ZNF469: variants seen among roughly 807,000 people sequenced by gnomAD.
ZNF469 encodes the protein zinc finger protein 469.
ZNF469 carries 1 observed loss-of-function variant against 1.0 expected under a neutral mutation model. The ratio of observed to expected loss-of-function variants is 1.00; its 90% confidence interval spans 0.35 to 4.73. The LOEUF is 4.73. Among genes scored for constraint, ZNF469 ranks in the 30% most tolerant of loss-of-function variants. ZNF469 has a pLI of 0.16. For missense variants in ZNF469, 6,100 were observed against 5,356.3 expected, an observed-to-expected ratio of 1.14 and a Z score of -4.33; for synonymous variants, 2,703 against 2,363.4, an observed-to-expected ratio of 1.14 and a Z score of -4.17.
chr16:88,284,062 AC>A, the ZNF469 span, among the ~76,000 whole-genome samples: 33 of 118,586 alleles, frequency 2.8e-4, 4 homozygotes, highest in African/African-American at 1.1e-3. Flanking sequence ...AGGCTGGTAG[AC>A]CCCCAGTGTG....
the ZNF469 span, among the ~76,000 whole-genome samples, chr16:88,268,195 C>T: frequency 6.6e-6 from 1 of 152,176 alleles, no homozygotes. Flanking sequence ...TTTTCTATTT[C>T]TAGGACAGTT....
At chr16:88,355,163 G>A in the ZNF469 span, among the ~76,000 whole-genome samples, 658 of 152,234 alleles carry the variant, frequency 4.3e-3, 5 homozygotes, top group African/African-American at 0.015. Context: ...CGCCAGCCTC[G>A]GCCTCTCAAC....
At chr16:88,303,675 C>A in the ZNF469 span, among the ~76,000 whole-genome samples, 1 of 152,226 alleles carries the variant, frequency 6.6e-6, no homozygotes, top group Non-Finnish European at 1.5e-5. Flanking sequence ...TCTCTTCCTA[C>A]CTTGTCCTCC....
At chr16:88,275,266 ACAGTGGATCCCAG>A in the ZNF469 span, among the ~76,000 whole-genome samples, 1 of 152,232 alleles carries the variant, frequency 6.6e-6, no homozygotes, top group East Asian at 1.9e-4. Context: ...GGGAGGCCGA[ACAGTGGATCCCAG>A]CAAGCACAGC....
At chr16:88,230,468 G>A in the ZNF469 span, among the ~76,000 whole-genome samples, 3 of 152,214 alleles carry the variant, frequency 2.0e-5, no homozygotes, top group African/African-American at 7.2e-5. Context: ...GGGTAACTGG[G>A]CTCTGAGCCT....
At chr16:88,406,930 G>C (rs1222309413) in intron 1 of ZNF469, among the ~76,000 whole-genome samples, 1 of 152,120 alleles carries the variant, frequency 6.6e-6, no homozygotes, top group Non-Finnish European at 1.5e-5. Flanking sequence ...AGTGCCTCGT[G>C]GGTCCCCCTC....
In ZNF469 at chr16:88,430,541, G is replaced by A. The variant is rs1906082133; in HGVS notation, c.3071G>A (p.Ser1024Asn). The change falls in exon 3 of 3, where the codon AGC becomes AAC. Residue 1024 changes from serine (S) to asparagine (N), a missense_variant. Physicochemically the swap from Ser to Asn is conservative, Grantham distance 46. Transcript: ENST00000565624. ...RAAALPEETR[S>N]SRRRRLPPRK... ...GCCGCCCTCCCCGAGGAGACCCGCA[G>A]CTCCCGGCGCCGCCGGCTGCCCCCC... is the stretch of plus-strand genomic sequence containing the variant. The A allele has an allele frequency of 5.5e-6, 8 of 1,466,926 alleles. No individual in the cohort carries two copies. Among genetic ancestry groups the A allele is most frequent in the South Asian group, 1.3e-5 (1 of 75,234 alleles). 90.9% of individuals were successfully genotyped at this position (1,466,926 alleles called of 1,614,324 possible).
At chr16:88,291,227 A>T in the ZNF469 span, among the ~76,000 whole-genome samples, 1 of 152,122 alleles carries the variant, frequency 6.6e-6, no homozygotes, top group African/African-American at 2.4e-5. Context: ...GGCAGAAACC[A>T]TGAGCTTCCT....
rs1040715010 is a variant in ZNF469, at chr16:88,382,979, G to A, written c.-467G>A. 4.6e-5 allele frequency among the ~76,000 whole-genome samples: 7 copies of A among 151,826 alleles called. No homozygotes were observed. Among genetic ancestry groups the A allele is most frequent in the Non-Finnish European group, 1.0e-4 (7 of 67,900 alleles). On this transcript the variant is annotated 5_prime_UTR_variant, in exon 1 of 3. Coordinates refer to ENST00000565624, the MANE Select transcript of ZNF469 (RefSeq NM_001367624.2). Reference sequence around the variant, plus strand: ...GGGGCAGACCCCGCGGCCGCCGGCCGGCGTCCGGCCTTCCCAGCACCCGGC... The same window carrying A: ...GGGGCAGACCCCGCGGCCGCCGGCCAGCGTCCGGCCTTCCCAGCACCCGGC...
chr16:88,300,937 T>A, the ZNF469 span, among the ~76,000 whole-genome samples: 1 of 151,980 alleles, frequency 6.6e-6, no homozygotes, highest in Admixed American at 6.6e-5. Context: ...TGGGGGCAGG[T>A]GCCTGTAATC....
At chr16:88,425,181 T>C (rs1332277688) in intron 2 of ZNF469, among the ~76,000 whole-genome samples, 1 of 152,052 alleles carries the variant, frequency 6.6e-6, no homozygotes. Flanking sequence ...GGCACAGCTG[T>C]GTTCTCAACA....
In ZNF469 at chr16:88,433,753, C is replaced by T. The variant is rs1317279254; in HGVS notation, c.6283C>T (p.Pro2095Ser). 3.2e-6 allele frequency: 5 copies of T among 1,549,178 alleles called. No individual in the cohort carries two copies. The highest frequency in any genetic ancestry group is 2.4e-5 in the East Asian group (1 of 40,930). The change falls in exon 3 of 3, where the codon CCA (proline) becomes TCA (serine). Residue 2095 changes from proline (P) to serine (S), a missense_variant. Coordinates refer to ENST00000565624, the MANE Select transcript of ZNF469 (RefSeq NM_001367624.2). The part of the protein sequence containing the change: ...ERASSPGLNK[P>S]LLATGDSPAP... ...GGCGTCCAGCCCCGGCCTGAACAAGCCACTGCTGGCCACAGGGGATAGCCC... is the reference window on the plus strand; with the variant it reads ...GGCGTCCAGCCCCGGCCTGAACAAGTCACTGCTGGCCACAGGGGATAGCCC...
At chr16:88,212,543 C>CTCTT in the ZNF469 span, among the ~76,000 whole-genome samples, 7 of 152,084 alleles carry the variant, frequency 4.6e-5, no homozygotes, top group African/African-American at 1.7e-4. Context: ...TCATATTCTT[C>CTCTT]TCTTTCTTTC....
At chr16:88,160,537 C>A in the ZNF469 span, among the ~76,000 whole-genome samples, 9 of 152,072 alleles carry the variant, frequency 5.9e-5, no homozygotes, top group Non-Finnish European at 1.3e-4. Context: ...GCATGTGGGC[C>A]GTGGGCAGAG....
At chr16:88,141,134 C>T in the ZNF469 span, among the ~76,000 whole-genome samples, 1 of 152,158 alleles carries the variant, frequency 6.6e-6, no homozygotes, top group Non-Finnish European at 1.5e-5. Flanking sequence ...GCAGATAAAT[C>T]CGCTAAATTG....
At chr16:88,312,264 A>C in the ZNF469 span, among the ~76,000 whole-genome samples, 1 of 152,218 alleles carries the variant, frequency 6.6e-6, no homozygotes, top group East Asian at 1.9e-4. Flanking sequence ...TTGGGTGGGG[A>C]CACAGCCAAA....
At chr16:88,213,955 T>C in the ZNF469 span, among the ~76,000 whole-genome samples, 385 of 152,328 alleles carry the variant, frequency 2.5e-3, 3 homozygotes, top group Non-Finnish European at 2.4e-3. Flanking sequence ...TTCTCTGTCA[T>C]GCAGACATGC....
the ZNF469 span, among the ~76,000 whole-genome samples, chr16:88,249,331 C>T: frequency 3.3e-5 from 5 of 151,706 alleles, no homozygotes; most frequent in African/African-American, 4.8e-5. Context: ...GGGCTCAAGC[C>T]ATCCTCCCAC....
chr16:88,337,335 A>G, the ZNF469 span, among the ~76,000 whole-genome samples: 1 of 152,286 alleles, frequency 6.6e-6, no homozygotes, highest in South Asian at 2.1e-4. Context: ...GCTCCCCTGC[A>G]CAAGCTCTCT....
Sources: gnomAD v4.1 joint callset for allele counts (sites outside exome capture counted in the v4.1 genomes callset) on GRCh38, gnomAD v4.1.1 for gene constraint, MANE v1.5 for transcripts, NCBI Gene and HGNC (gene_info 2026-07-23, HGNC 2026-07-21) for gene names.